The following NREP variants were observed in gnomAD, a reference collection of about 807,000 sequenced individuals.
The protein encoded by NREP is neuronal regeneration-related protein.
NREP carries 5 observed loss-of-function variants against 8.6 expected under a neutral mutation model. The ratio of observed to expected loss-of-function variants is 0.58; its 90% CI spans 0.30 to 1.22. The LOEUF (loss-of-function observed/expected upper bound fraction) is 1.22, where lower values mean the gene tolerates loss of function less well. NREP is among the 50% of genes most tolerant of loss of function. NREP has a pLI of 0.07. For missense variants in NREP, 86 were observed against 82.5 expected (o/e 1.04, Z -0.17); for synonymous variants, 27 against 28.0 (o/e 0.96, Z 0.11).
intron 2 of NREP, among the ~76,000 whole-genome samples, chr5:111,928,494 T>G (rs1165638247): frequency 1.3e-5 from 2 of 152,180 alleles, no homozygotes; most frequent in African/African-American, 4.8e-5. Flanking sequence ...GTGCTAACCA[T>G]CTGACTTCTG....
chr5:111,945,261 T>C (rs1371653925), intron 2 of NREP, among the ~76,000 whole-genome samples: 4 of 152,102 alleles, frequency 2.6e-5, no homozygotes, highest in African/African-American at 7.2e-5. Flanking sequence ...GTTGATCCTA[T>C]TTGCTATAGT....
At chr5:111,937,845 C>T (rs1186515242) in intron 2 of NREP, among the ~76,000 whole-genome samples, 1 of 152,006 alleles carries the variant, frequency 6.6e-6, no homozygotes, top group Non-Finnish European at 1.5e-5. Flanking sequence ...GTACTGGACC[C>T]AACAGTCCAT....
intron 2 of NREP, among the ~76,000 whole-genome samples, chr5:111,919,919 GA>G (rs1755184625): frequency 7.0e-5 from 10 of 143,164 alleles, no homozygotes; most frequent in Non-Finnish European, 1.2e-4. Flanking sequence ...AAGAAAGAAA[GA>G]TCTGAACTGT....
chr5:111,774,617 C>T (rs992861222), intron 2 of NREP, among the ~76,000 whole-genome samples: 1 of 152,164 alleles, frequency 6.6e-6, no homozygotes, highest in Non-Finnish European at 1.5e-5. Context: ...GGCAATATAA[C>T]TGGCAGTGCA....
rs567592509 is a variant in NREP, at chr5:111,804,215, G to T, written c.136-68708C>A. Among the ~76,000 whole-genome samples, 14 of 152,242 alleles carry T rather than the reference G, an allele frequency of 9.2e-5. No homozygotes were observed. The South Asian group carries it at 2.7e-3, about 29-fold the overall frequency. On this transcript the variant is annotated intron_variant, in intron 2 of 3. Coordinates refer to the NREP transcript ENST00000395634. ...GAACCATAATAGAATAGAAAATTCA[G>T]AAAGAGAATATATATATGAAAATTC...
At chr5:111,935,947 C>T (rs1432850085) in intron 2 of NREP, among the ~76,000 whole-genome samples, 1 of 152,068 alleles carries the variant, frequency 6.6e-6, no homozygotes, top group Non-Finnish European at 1.5e-5. Flanking sequence ...CAGGGCCATG[C>T]TCTCTCTGAA....
At chr5:111,952,432 T>C (rs905243148) in intron 2 of NREP, among the ~76,000 whole-genome samples, 2 of 152,180 alleles carry the variant, frequency 1.3e-5, no homozygotes, top group African/African-American at 2.4e-5. Flanking sequence ...TTCTTCTTTA[T>C]CTTGTGTTGG....
At chr5:111,847,387 C>A (rs1753206793) in intron 2 of NREP, among the ~76,000 whole-genome samples, 2 of 152,082 alleles carry the variant, frequency 1.3e-5, no homozygotes, top group South Asian at 4.1e-4. Flanking sequence ...CCCTCACGGC[C>A]CAATCTAACC....
At chr5:111,900,256 T>C (rs1457040824) in intron 2 of NREP, among the ~76,000 whole-genome samples, 1 of 151,344 alleles carries the variant, frequency 6.6e-6, no homozygotes, top group Non-Finnish European at 1.5e-5. Flanking sequence ...ATACAACATA[T>C]CAAAAACCTA....
intron 2 of NREP, among the ~76,000 whole-genome samples, chr5:111,845,608 T>C (rs1753143603): frequency 6.6e-6 from 1 of 152,188 alleles, no homozygotes; most frequent in African/African-American, 2.4e-5. Flanking sequence ...ACTTTTCAGC[T>C]TAAAATCTGG....
intron 2 of NREP, among the ~76,000 whole-genome samples, chr5:111,852,911 A>C (rs982392448): frequency 2.6e-5 from 4 of 152,142 alleles, no homozygotes; most frequent in African/African-American, 4.8e-5. Flanking sequence ...GATCCCTTAA[A>C]GTAGATAGAG....
chr5:111,805,850 G>A (rs544015728), intron 2 of NREP, among the ~76,000 whole-genome samples: 40 of 152,072 alleles, frequency 2.6e-4, no homozygotes, highest in Non-Finnish European at 5.0e-4. Flanking sequence ...TCAGGAGATC[G>A]ACTGTACCGC....
At chr5:111,923,211 C>A (rs909246374) in intron 2 of NREP, among the ~76,000 whole-genome samples, 5 of 152,152 alleles carry the variant, frequency 3.3e-5, no homozygotes, top group African/African-American at 9.7e-5. Context: ...GCTATCAGCT[C>A]AGCTAATTGG....
At chr5:111,962,624 T>A (rs1756510444) in intron 2 of NREP, among the ~76,000 whole-genome samples, 1 of 152,146 alleles carries the variant, frequency 6.6e-6, no homozygotes, top group Non-Finnish European at 1.5e-5. Flanking sequence ...GTTTGCCCAC[T>A]CTCTCTCAGT....
At chr5:111,967,944 G>A (rs1305217058) in intron 2 of NREP, among the ~76,000 whole-genome samples, 1 of 152,096 alleles carries the variant, frequency 6.6e-6, no homozygotes, top group Non-Finnish European at 1.5e-5. Context: ...AACAATAGCA[G>A]AAACTCCTAT....
intron 2 of NREP, among the ~76,000 whole-genome samples, chr5:111,876,874 T>C (rs559635936): frequency 1.3e-5 from 2 of 152,152 alleles, no homozygotes; most frequent in South Asian, 2.1e-4. Context: ...AATGAAGAAA[T>C]TGGGGCACAG....
At chr5:111,972,710 C>T (rs1283007674) in intron 2 of NREP, among the ~76,000 whole-genome samples, 1 of 152,106 alleles carries the variant, frequency 6.6e-6, no homozygotes, top group Non-Finnish European at 1.5e-5. Flanking sequence ...GCTGTCATCA[C>T]CACCAATCTA....
At chr5:111,869,322 A>G (rs1170728520) in intron 2 of NREP, among the ~76,000 whole-genome samples, 1 of 152,170 alleles carries the variant, frequency 6.6e-6, no homozygotes, top group East Asian at 1.9e-4. Context: ...CTTACGTTCC[A>G]TTTGTTGAAG....
chr5:111,962,224 GC>G (rs1661703558), intron 2 of NREP, among the ~76,000 whole-genome samples: 1 of 151,762 alleles, frequency 6.6e-6, no homozygotes, highest in African/African-American at 2.4e-5. Flanking sequence ...GCTTTATTTT[GC>G]CTGAGAAAAT....
Sources: gnomAD v4.1 joint callset for allele counts (sites outside exome capture counted in the v4.1 genomes callset) on GRCh38, gnomAD v4.1.1 for gene constraint, MANE v1.5 for transcripts, NCBI Gene and HGNC (gene_info 2026-07-23, HGNC 2026-07-21) for gene names.